Variants in MLLT10 observed in about 807,000 individuals in gnomAD.
MLLT10 encodes protein AF-10.
Under a neutral mutation model 129.1 loss-of-function variants are expected in MLLT10, and 30 were observed. The ratio of observed to expected loss-of-function variants is 0.23; its 90% CI spans 0.17 to 0.32. MLLT10 has a LOEUF of 0.32. MLLT10 is among the 10% of genes least tolerant of loss of function. The probability of loss-of-function intolerance (pLI) is 1.00; values close to 1 mark genes in which losing one functional copy is unlikely to be tolerated. For synonymous variants in MLLT10, 490 were observed against 446.4 expected (o/e 1.10, Z -1.23); for missense variants, 1,119 against 1,268.3 (o/e 0.88, Z 1.79).
chr10:21,708,263 T>C (rs1474799534), intron 13 of MLLT10, among the ~76,000 whole-genome samples: 1 of 152,256 alleles, frequency 6.6e-6, no homozygotes, highest in African/African-American at 2.4e-5. Flanking sequence ...TTCTCCTCCC[T>C]ATCCTGAACA....
intron 3 of MLLT10, among the ~76,000 whole-genome samples, chr10:21,582,132 A>G (rs905126833): frequency 6.6e-6 from 1 of 151,618 alleles, no homozygotes; most frequent in Non-Finnish European, 1.5e-5. Flanking sequence ...AATTTTTAAA[A>G]ATTTTTTGAG....
At chr10:21,682,165 A>G in intron 12 of MLLT10, 60 bp from the exon 13 acceptor site, 1 of 1,423,088 alleles carries the variant, frequency 7.0e-7, no homozygotes, top group Non-Finnish European at 9.8e-7. Flanking sequence ...ATGGCTATGT[A>G]TTTCTTTTGT....
intron 3 of MLLT10, among the ~76,000 whole-genome samples, chr10:21,540,351 C>T (rs2034920461): frequency 6.6e-6 from 1 of 151,592 alleles, no homozygotes; most frequent in East Asian, 1.9e-4. Flanking sequence ...GATTGTGCCA[C>T]TGCACTCCAG....
intron 13 of MLLT10, among the ~76,000 whole-genome samples, chr10:21,688,877 T>G (rs1451579468): frequency 6.6e-6 from 1 of 152,122 alleles, no homozygotes; most frequent in African/African-American, 2.4e-5. Context: ...TCAGGAAGAA[T>G]ATGAGAACAT....
intron 8 of MLLT10, among the ~76,000 whole-genome samples, chr10:21,622,111 G>A (rs1278527773): frequency 6.6e-6 from 1 of 150,592 alleles, no homozygotes; most frequent in Admixed American, 6.6e-5. Flanking sequence ...ATATGGCTTC[G>A]AATAAGGGAT....
At position 21,622,762 on chromosome 10, in the gene MLLT10, G is replaced by A. The variant is rs74120981; in HGVS notation, c.699+5555G>A. Among the ~76,000 whole-genome samples, 1,256 of 152,248 alleles carry A rather than the reference G, an allele frequency of 8.2e-3. 21 individuals carry two copies. The highest frequency in any genetic ancestry group is 0.029 in the African/African-American group (1,200 of 41,546). The stretch of plus-strand genomic sequence containing the variant: ...TCACCCAATTCTCTGTGGACACCAA[G>A]TGGGTATCCTACAATTCAGTTCTGA... On this transcript the variant is annotated intron_variant, in intron 8 of 22. Coordinates refer to ENST00000307729, the MANE Select transcript of MLLT10 (RefSeq NM_001195626.3).
At chr10:21,576,242 CTTTTTTTT>C (rs556175778) in intron 3 of MLLT10, among the ~76,000 whole-genome samples, 3 of 128,064 alleles carry the variant, frequency 2.3e-5, no homozygotes, top group East Asian at 4.6e-4. Flanking sequence ...TATCCATTTA[CTTTTTTTT>C]TTTTTTTTTT....
chr10:21,585,851 T>C (rs2041934757), intron 3 of MLLT10, among the ~76,000 whole-genome samples: 1 of 152,136 alleles, frequency 6.6e-6, no homozygotes, highest in African/African-American at 2.4e-5. Context: ...AACCTGTACC[T>C]CCCGGATTCA....
At chr10:21,603,165 G>A (rs2043722430) in intron 5 of MLLT10, among the ~76,000 whole-genome samples, 1 of 150,274 alleles carries the variant, frequency 6.7e-6, no homozygotes, top group Admixed American at 6.7e-5. Context: ...CCATTCTCCT[G>A]TCTCAGCCTC....
chr10:21,635,776 G>C (rs550649052), intron 8 of MLLT10, among the ~76,000 whole-genome samples: 62 of 151,000 alleles, frequency 4.1e-4, no homozygotes, highest in African/African-American at 1.4e-3. Flanking sequence ...TCCCAGTCTA[G>C]AGTGCAATGG....
intron 9 of MLLT10, among the ~76,000 whole-genome samples, chr10:21,656,536 G>A (rs1402289009): frequency 1.3e-5 from 2 of 151,996 alleles, no homozygotes; most frequent in Admixed American, 1.3e-4. Context: ...AAAAAATTCC[G>A]TTTCATTTAT....
chr10:21,603,613 T>G (rs951540054), intron 5 of MLLT10, among the ~76,000 whole-genome samples: 3 of 152,160 alleles, frequency 2.0e-5, no homozygotes, highest in African/African-American at 7.2e-5. Context: ...TAGCCAATTT[T>G]TCATACACCC....
intron 9 of MLLT10, among the ~76,000 whole-genome samples, chr10:21,664,484 A>G (rs988670485): frequency 6.6e-6 from 1 of 151,714 alleles, no homozygotes; most frequent in Non-Finnish European, 1.5e-5. Context: ...TTTAGTAGGG[A>G]CAGGGTTTCA....
At chr10:21,585,322 A>T (rs1160807882) in intron 3 of MLLT10, among the ~76,000 whole-genome samples, 2 of 152,160 alleles carry the variant, frequency 1.3e-5, no homozygotes, top group Non-Finnish European at 2.9e-5. Context: ...CTTCTTGGTA[A>T]GACAGTGCCA....
chr10:21,581,662 C>T (rs373653089), intron 3 of MLLT10, among the ~76,000 whole-genome samples: 10 of 152,126 alleles, frequency 6.6e-5, no homozygotes, highest in Non-Finnish European at 1.0e-4. Flanking sequence ...AATTCTCTTG[C>T]GGTCTGATGG....
intron 8 of MLLT10, among the ~76,000 whole-genome samples, chr10:21,647,861 T>C (rs894651591): frequency 1.3e-5 from 2 of 152,086 alleles, no homozygotes; most frequent in Admixed American, 6.5e-5. Flanking sequence ...TAGCTAAGTC[T>C]GTGTTTTCCC....
At chr10:21,537,644 T>A (rs1316578627) in intron 2 of MLLT10, among the ~76,000 whole-genome samples, 1 of 151,926 alleles carries the variant, frequency 6.6e-6, no homozygotes, top group Non-Finnish European at 1.5e-5. Flanking sequence ...TTTAAAAAAA[T>A]TTTTAGTAGA....
At chr10:21,600,670 T>G (rs2043438313) in intron 5 of MLLT10, among the ~76,000 whole-genome samples, 1 of 152,212 alleles carries the variant, frequency 6.6e-6, no homozygotes, top group Admixed American at 6.5e-5. Flanking sequence ...CTTAAATTGA[T>G]TTTTCTTTTC....
intron 13 of MLLT10, among the ~76,000 whole-genome samples, chr10:21,712,200 C>CTTTATTTATTTATTTATTTATTTATTTA (rs1461043413): frequency 1.9e-5 from 1 of 53,468 alleles, no homozygotes; most frequent in African/African-American, 1.3e-4. Context: ...AAGTCAATAA[C>CTTTATTTATTTATTTATTTATTTATTTA]TTCATTTATT....
Sources: allele counts gnomAD v4.1 joint callset (sites outside exome capture counted in the v4.1 genomes callset), GRCh38; gene constraint gnomAD v4.1.1; transcripts MANE v1.5; gene names NCBI Gene and HGNC (gene_info 2026-07-23, HGNC 2026-07-21).